TRAF3: variants seen among roughly 807,000 people sequenced by gnomAD.
The protein encoded by TRAF3 is TNF receptor associated factor 3, also known as TNF receptor-associated factor 3.
In TRAF3, 13 loss-of-function variants were observed where a neutral mutation model predicts 62.3. The ratio of observed to expected loss-of-function variants is 0.21; its 90% CI spans 0.14 to 0.33. The LOEUF is 0.33. Ranked by LOEUF, TRAF3 falls within the 10% of genes least tolerant of loss-of-function variation. TRAF3 has a pLI of 1.00. For missense variants in TRAF3, 440 were observed against 741.8 expected (o/e 0.59, Z 4.73); for synonymous variants, 269 against 283.4 (o/e 0.95, Z 0.51).
At chr14:102,873,078 T>G (rs1888435377) in intron 4 of TRAF3, among the ~76,000 whole-genome samples, 1 of 152,222 alleles carries the variant, frequency 6.6e-6, no homozygotes, top group Non-Finnish European at 1.5e-5. Flanking sequence ...TAAATGCAGG[T>G]CACTAAGTTG....
intron 2 of TRAF3, among the ~76,000 whole-genome samples, chr14:102,838,088 C>T (rs7143963): frequency 0.33 from 49,775 of 152,112 alleles, 11,245 homozygotes; most frequent in African/African-American, 0.64. Flanking sequence ...CGAGGTAGAC[C>T]GCTGTGCCGC....
intron 2 of TRAF3, among the ~76,000 whole-genome samples, chr14:102,832,740 C>A (rs1595342522): frequency 6.6e-6 from 1 of 152,234 alleles, no homozygotes; most frequent in African/African-American, 2.4e-5. Flanking sequence ...TATACACACA[C>A]AAACACACTA....
intron 10 of TRAF3, among the ~76,000 whole-genome samples, chr14:102,902,372 G>A (rs1453702768): frequency 6.6e-6 from 1 of 152,214 alleles, no homozygotes; most frequent in Non-Finnish European, 1.5e-5. Flanking sequence ...GGGGTCTGAG[G>A]AGTGGGAGTC....
rs989507042 is a variant in TRAF3 at position 102,907,013 on chromosome 14, A to G, written c.*1229A>G. ...TCCACCACTAGATCTTTGTCTCTAC[A>G]AGGGCCCTCAGACACCTCTGCACCT... On this transcript the variant is annotated 3_prime_UTR_variant, in exon 12 of 12. Transcript: ENST00000392745. The G allele has an allele frequency of 6.6e-6, 1 of 152,204 alleles. No individual in the cohort carries two copies. The highest frequency in any genetic ancestry group is 2.4e-5 in the African/African-American group (1 of 41,454). 9.4% of individuals were successfully genotyped at this position (152,204 alleles called of 1,614,324 possible). A position where few individuals can be genotyped will look rare whatever the true frequency, so the allele number is the denominator to read the frequency against.
chr14:102,797,739 CTTTT>C (rs35788620), intron 1 of TRAF3, among the ~76,000 whole-genome samples: 4 of 142,260 alleles, frequency 2.8e-5, no homozygotes, highest in Non-Finnish European at 4.6e-5. Context: ...CTTTTTCTTT[CTTTT>C]TTTTTTTTTT....
At chr14:102,821,096 T>G (rs1899960084) in intron 1 of TRAF3, among the ~76,000 whole-genome samples, 1 of 152,200 alleles carries the variant, frequency 6.6e-6, no homozygotes, top group Non-Finnish European at 1.5e-5. Flanking sequence ...CTGAAGCAAA[T>G]ATCACTGTGT....
intron 2 of TRAF3, among the ~76,000 whole-genome samples, chr14:102,836,867 A>G (rs945746185): frequency 6.6e-6 from 1 of 152,204 alleles, no homozygotes; most frequent in Non-Finnish European, 1.5e-5. Context: ...GGTGAGTAAG[A>G]CGTCAGGGAA....
chr14:102,792,113 CTTTTTT>C (rs35895214), intron 1 of TRAF3, among the ~76,000 whole-genome samples: 5 of 97,702 alleles, frequency 5.1e-5, no homozygotes, highest in Admixed American at 1.1e-4. Context: ...TGTGCCTGGA[CTTTTTT>C]TTTTTTTTTT....
At position 102,903,568 on chromosome 14, in the gene TRAF3, G is replaced by A. The variant is rs1005893370; in HGVS notation, c.1135+139G>A. ...TTTCTAATTATGGGTAACACGCAGAGGTGTGATGACTTTCCTACTGAAAGT... is the reference window on the plus strand; with the variant it reads ...TTTCTAATTATGGGTAACACGCAGAAGTGTGATGACTTTCCTACTGAAAGT... On this transcript the variant is annotated intron_variant, in intron 11 of 11. Transcript: ENST00000392745. This position sits in a 1 kb window ranked among gnomAD's most constrained non-coding sequence, Gnocchi z 6.4. The A allele has an allele frequency of 1.1e-5, 14 of 1,249,256 alleles. No individual in the cohort carries two copies. The Admixed American group carries it at 2.6e-4, about 23-fold the overall frequency. 77.4% of individuals were successfully genotyped at this position (1,249,256 alleles called of 1,614,324 possible). A position where few individuals can be genotyped will look rare whatever the true frequency, so the allele number is the denominator to read the frequency against.
chr14:102,840,605 A>G (rs1566767817), intron 2 of TRAF3, among the ~76,000 whole-genome samples: 1 of 152,156 alleles, frequency 6.6e-6, no homozygotes, highest in Non-Finnish European at 1.5e-5. Flanking sequence ...ATGGCTTGGC[A>G]AGACACCATT....
intron 1 of TRAF3, among the ~76,000 whole-genome samples, chr14:102,824,279 G>A (rs1048416643): frequency 6.6e-6 from 1 of 152,190 alleles, no homozygotes; most frequent in Non-Finnish European, 1.5e-5. Context: ...ACCCTCTGTT[G>A]CCTAGAGAAA....
At chr14:102,852,384 T>G (rs189117190) in intron 2 of TRAF3, among the ~76,000 whole-genome samples, 14 of 152,304 alleles carry the variant, frequency 9.2e-5, no homozygotes, top group East Asian at 1.9e-4. Flanking sequence ...CTTGTAGGTG[T>G]TGTTGTTCCA....
chr14:102,899,891 ACAGC>A (rs1235297241), intron 10 of TRAF3, among the ~76,000 whole-genome samples: 1 of 152,174 alleles, frequency 6.6e-6, no homozygotes, highest in Admixed American at 6.5e-5. Flanking sequence ...TATTAAGAAG[ACAGC>A]CAGGCCGGAT....
chr14:102,842,090 C>T (rs1409048166), intron 2 of TRAF3, among the ~76,000 whole-genome samples: 1 of 151,528 alleles, frequency 6.6e-6, no homozygotes, highest in African/African-American at 2.4e-5. Context: ...ACTGAAAATA[C>T]AAAAATTAGC....
At chr14:102,879,145 G>A (rs1467936784) in intron 6 of TRAF3, among the ~76,000 whole-genome samples, 1 of 152,058 alleles carries the variant, frequency 6.6e-6, no homozygotes, top group Non-Finnish European at 1.5e-5. Flanking sequence ...AGCTCGTGGG[G>A]GCCTGGGCAC....
intron 2 of TRAF3, among the ~76,000 whole-genome samples, chr14:102,842,271 T>C (rs945882965): frequency 7.4e-5 from 11 of 147,944 alleles, no homozygotes; most frequent in African/African-American, 2.7e-4. Context: ...AAAAATAATA[T>C]ATATTTTATT....
In TRAF3 at chr14:102,826,730, C is replaced by T. The variant is rs547281219; in HGVS notation, c.-156-3604C>T. Among the ~76,000 whole-genome samples, 9 of 152,282 alleles carry T rather than the reference C, an allele frequency of 5.9e-5. 1 individual carries two copies. In the South Asian group the frequency reaches 1.9e-3, roughly 32 times the overall value. Reference sequence around the variant, plus strand: ...CTTCACCTCACACCTGTTCAGGGTCCGGCTGGGCTCTGGACATAGGGTGGA... The same window carrying T: ...CTTCACCTCACACCTGTTCAGGGTCTGGCTGGGCTCTGGACATAGGGTGGA... On this transcript the variant is annotated intron_variant, in intron 1 of 11. Transcript: ENST00000392745. The surrounding 1 kb of genome is among the most constrained non-coding windows in gnomAD (Gnocchi z 4.6).
At chr14:102,837,265 A>C (rs751538242) in intron 2 of TRAF3, among the ~76,000 whole-genome samples, 2 of 151,676 alleles carry the variant, frequency 1.3e-5, no homozygotes, top group Non-Finnish European at 2.9e-5. Context: ...CAGCCTCCCG[A>C]GTAGCTGGGA....
chr14:102,854,799 CT>C (rs1566777029), intron 2 of TRAF3, among the ~76,000 whole-genome samples: 1 of 113,618 alleles, frequency 8.8e-6, no homozygotes, highest in Non-Finnish European at 1.7e-5. Context: ...CCGCACCTGG[CT>C]GTTTTTTTTT....
Sources: allele counts gnomAD v4.1 joint callset (sites outside exome capture counted in the v4.1 genomes callset), GRCh38; gene constraint gnomAD v4.1.1; non-coding constraint Gnocchi (gnomAD v3.1); transcripts MANE v1.5; gene names NCBI Gene and HGNC (gene_info 2026-07-23, HGNC 2026-07-21).